Variants in FAR2 observed in about 807,000 individuals in gnomAD.
The protein encoded by FAR2 is epididymis secretory protein Li 81.
A neutral mutation model predicts 56.0 loss-of-function variants in FAR2; 19 were observed. The ratio of observed to expected loss-of-function variants is 0.34; its 90% CI spans 0.24 to 0.50. FAR2 has a LOEUF of 0.50. Among genes scored for constraint, FAR2 ranks in the 20% least tolerant of loss-of-function variants. The pLI, the probability that FAR2 is intolerant of heterozygous loss-of-function variation, is 0.98. For synonymous variants in FAR2, 219 were observed against 218.8 expected (o/e 1.00, Z -0.01); for missense variants, 508 against 642.2 (o/e 0.79, Z 2.26).
chr12:29,329,591 T>G (rs996303342), intron 10 of FAR2, among the ~76,000 whole-genome samples: 2 of 152,202 alleles, frequency 1.3e-5, no homozygotes, highest in African/African-American at 4.8e-5. Context: ...AATAAAAGCC[T>G]CTGCTTATAT....
chr12:29,285,332 T>C (rs1390834289), intron 2 of FAR2, among the ~76,000 whole-genome samples: 2 of 152,212 alleles, frequency 1.3e-5, no homozygotes, highest in African/African-American at 2.4e-5. Context: ...ACTTCCAAAA[T>C]TGGAAATATT....
At chr12:29,234,720 T>G (rs1362055572) in intron 1 of FAR2, among the ~76,000 whole-genome samples, 1 of 152,152 alleles carries the variant, frequency 6.6e-6, no homozygotes, top group African/African-American at 2.4e-5. Flanking sequence ...CTATTATCTC[T>G]GCCTAGAACA....
At chr12:29,307,612 ATTGTC>A in intron 4 of FAR2, 41 bp from the exon 5 acceptor site, 1 of 1,518,374 alleles carries the variant, frequency 6.6e-7, no homozygotes, top group Non-Finnish European at 8.8e-7. Flanking sequence ...CTTTTGGTTT[ATTGTC>A]TAACATATGT....
chr12:29,193,351 C>G lies in FAR2; in HGVS notation c.-39+43944C>G, dbSNP rs188665042. 1.3e-4 allele frequency among the ~76,000 whole-genome samples: 20 copies of G among 152,258 alleles called. No homozygotes were observed. The East Asian group carries it at 3.7e-3, about 28-fold the overall frequency. The stretch of plus-strand genomic sequence containing the variant: ...TAACATGTTTCCACCATTATAGTAT[C>G]TTACAGAGCTGTTTCACTGCCCTAA... On this transcript the variant is annotated intron_variant, in intron 1 of 11. Coordinates refer to ENST00000536681, the MANE Select transcript of FAR2 (RefSeq NM_001271783.2).
At chr12:29,289,967 T>C (rs149487035) in intron 2 of FAR2, among the ~76,000 whole-genome samples, 21 of 152,268 alleles carry the variant, frequency 1.4e-4, no homozygotes, top group African/African-American at 5.1e-4. Context: ...TCATTAGACA[T>C]GCAAATCAAA....
chr12:29,315,908 A>G (rs1168399203), intron 8 of FAR2, among the ~76,000 whole-genome samples: 1 of 152,192 alleles, frequency 6.6e-6, no homozygotes, highest in Non-Finnish European at 1.5e-5. Flanking sequence ...GTATATGGAT[A>G]TATACATCAG....
chr12:29,243,305 G>C (rs1186329623), intron 1 of FAR2, among the ~76,000 whole-genome samples: 1 of 152,156 alleles, frequency 6.6e-6, no homozygotes, highest in Non-Finnish European at 1.5e-5. Context: ...ATTGTCACTG[G>C]AGATAGCAAT....
At position 29,188,588 on chromosome 12, in the gene FAR2, A is replaced by G. The variant is rs574964999; in HGVS notation, c.-39+39181A>G. On this transcript the variant is annotated intron_variant, in intron 1 of 11. Coordinates refer to ENST00000536681, the MANE Select transcript of FAR2 (RefSeq NM_001271783.2). The stretch of plus-strand genomic sequence containing the variant: ...TTAGCATCTTAATATACCATGGTAC[A>G]TGAATACTAGCTGAACTCAAGGCTT... Among the ~76,000 whole-genome samples, 7 of 152,312 alleles carry G rather than the reference A, an allele frequency of 4.6e-5. No individual in the cohort carries two copies. The South Asian group carries it at 6.2e-4, about 14-fold the overall frequency.
rs1388668158 is a variant in FAR2 at position 29,307,801 on chromosome 12, C to T, written c.689C>T (p.Ser230Phe). Residue 230 changes from serine (S) to phenylalanine (F), a missense_variant, in exon 5 of 12, where the codon TCC becomes TTC. Ser to Phe is a radical substitution (Grantham distance 155, BLOSUM62 -2). Coordinates refer to ENST00000536681, the MANE Select transcript of FAR2 (RefSeq NM_001271783.2). ...RNLNIAIIRP[S>F]IVGATWQEPF... ...CTGAACATTGCCATCATAAGGCCCTCCATTGTGGGAGCAACTTGGCAGGAG... is the reference window on the plus strand; with the variant it reads ...CTGAACATTGCCATCATAAGGCCCTTCATTGTGGGAGCAACTTGGCAGGAG... The T allele has an allele frequency of 1.2e-6, 2 of 1,611,834 alleles. No individual in the cohort carries two copies. The highest frequency in any genetic ancestry group is 1.3e-5 in the African/African-American group (1 of 74,802).
intron 8 of FAR2, among the ~76,000 whole-genome samples, chr12:29,316,216 G>A (rs1366878371): frequency 1.3e-5 from 2 of 151,812 alleles, no homozygotes; most frequent in African/African-American, 4.8e-5. Flanking sequence ...AACAACTACT[G>A]AATTCACAAA....
intron 4 of FAR2, among the ~76,000 whole-genome samples, chr12:29,304,347 A>T (rs1208223631): frequency 1.3e-5 from 2 of 152,232 alleles, no homozygotes; most frequent in African/African-American, 2.4e-5. Context: ...GTGATTAGAC[A>T]CAGTGATAAA....
At chr12:29,307,407 GCCTACCTA>G (rs58056460) in intron 4 of FAR2, among the ~76,000 whole-genome samples, 18,038 of 151,266 alleles carry the variant, frequency 0.12, 1,230 homozygotes, top group Middle Eastern at 0.23. Flanking sequence ...CTACCTGCCT[GCCTACCTA>G]CCTACCTACC....
intron 11 of FAR2, 59 bp downstream of exon 11, chr12:29,332,786 C>A: frequency 6.8e-7 from 1 of 1,469,662 alleles, no homozygotes. Context: ...GACTTTATAC[C>A]AGACATAACA....
intron 1 of FAR2, among the ~76,000 whole-genome samples, chr12:29,153,554 T>C (rs1393402943): frequency 6.6e-6 from 1 of 151,788 alleles, no homozygotes; most frequent in Non-Finnish European, 1.5e-5. Flanking sequence ...ATAAAGATCT[T>C]GAATTTAATT....
chr12:29,330,548 T>G (rs914368583), intron 10 of FAR2, among the ~76,000 whole-genome samples: 11 of 152,216 alleles, frequency 7.2e-5, no homozygotes, highest in Admixed American at 5.9e-4. Flanking sequence ...TTTCTGTGAT[T>G]AAAATATAAC....
At chr12:29,208,961 G>A (rs1947509654) in intron 1 of FAR2, among the ~76,000 whole-genome samples, 1 of 152,052 alleles carries the variant, frequency 6.6e-6, no homozygotes, top group Non-Finnish European at 1.5e-5. Flanking sequence ...CCTGCTTTAG[G>A]TGGTTTAGTC....
intron 3 of FAR2, among the ~76,000 whole-genome samples, chr12:29,295,334 A>G (rs1353235969): frequency 6.6e-6 from 1 of 152,146 alleles, no homozygotes; most frequent in Non-Finnish European, 1.5e-5. Flanking sequence ...TCGGCCTCCT[A>G]AAGTGCTGGG....
At chr12:29,213,158 G>A (rs1565473369) in intron 1 of FAR2, among the ~76,000 whole-genome samples, 2 of 151,760 alleles carry the variant, frequency 1.3e-5, no homozygotes, top group African/African-American at 2.4e-5. Context: ...AGCATTTGGC[G>A]TCTCACCATT....
intron 1 of FAR2, among the ~76,000 whole-genome samples, chr12:29,155,672 G>T (rs756639033): frequency 6.6e-5 from 10 of 152,202 alleles, no homozygotes; most frequent in Non-Finnish European, 1.5e-4. Flanking sequence ...TTAACCTTCA[G>T]TGTCTATAAA....
Sources: allele counts gnomAD v4.1 joint callset (sites outside exome capture counted in the v4.1 genomes callset), GRCh38; gene constraint gnomAD v4.1.1; transcripts MANE v1.5; gene names NCBI Gene and HGNC (gene_info 2026-07-23, HGNC 2026-07-21).